Variants in ADCY9 observed in about 807,000 individuals in gnomAD.
ADCY9 encodes adenylate cyclase type 9.
A neutral mutation model predicts 101.5 loss-of-function variants in ADCY9; 50 were observed. That is an observed-to-expected ratio of 0.49 (90% confidence interval 0.39 to 0.62). The LOEUF is 0.62. Among genes scored for constraint, ADCY9 ranks in the 20% least tolerant of loss-of-function variants. The pLI is 0.00. For synonymous variants in ADCY9, 905 were observed against 769.3 expected, an observed-to-expected ratio of 1.18 and a Z score of -2.92; for missense variants, 1,662 against 1,800.4, an observed-to-expected ratio of 0.92 and a Z score of 1.39.
At chr16:4,105,484 C>T (rs1297025546) in intron 2 of ADCY9, among the ~76,000 whole-genome samples, 1 of 149,600 alleles carries the variant, frequency 6.7e-6, no homozygotes, top group Admixed American at 6.7e-5. Flanking sequence ...CCAGCCTGGC[C>T]AACATGGTCA....
chr16:4,006,368 C>T (rs1279463782), intron 3 of ADCY9, among the ~76,000 whole-genome samples: 1 of 152,222 alleles, frequency 6.6e-6, no homozygotes, highest in Non-Finnish European at 1.5e-5. Context: ...GCGGAGTTGA[C>T]AGAACCCGAG....
At chr16:4,038,164 T>C (rs1226064589) in intron 2 of ADCY9, among the ~76,000 whole-genome samples, 1 of 151,846 alleles carries the variant, frequency 6.6e-6, no homozygotes, top group Non-Finnish European at 1.5e-5. Flanking sequence ...GCCTGTGGTC[T>C]CAGCTACAAG....
chr16:3,956,506 G>GGGGC (rs1555504588), intron 5 of ADCY9, among the ~76,000 whole-genome samples: 1 of 10,884 alleles, frequency 9.2e-5, no homozygotes, highest in African/African-American at 2.3e-4. Flanking sequence ...TTTTTTTTGG[G>GGGGC]GGGGGATGGA....
intron 3 of ADCY9, among the ~76,000 whole-genome samples, chr16:3,994,455 G>A (rs192730100): frequency 6.6e-4 from 101 of 152,178 alleles, no homozygotes; most frequent in Non-Finnish European, 1.4e-3. Flanking sequence ...TAAAAAGATC[G>A]ATTTTTAAAT....
At position 4,045,725 on chromosome 16, in the gene ADCY9, G is replaced by T. The variant is rs1238152978; in HGVS notation, c.1694-38167C>A. The stretch of plus-strand genomic sequence containing the variant: ...ACCCTTGTGAATTTTTTGAGATAGG[G>T]TCTCACTCTGTTGCCCAGGCTGCAG... On this transcript the variant is annotated intron_variant, in intron 2 of 10. Transcript: ENST00000294016. Among the ~76,000 whole-genome samples the T allele has an allele frequency of 2.0e-5, 3 of 151,832 alleles. No individual in the cohort carries two copies. The East Asian group carries it at 5.8e-4, about 29-fold the overall frequency.
Position 4,114,714 on chromosome 16 carries a change from G to A in ADCY9, c.729C>T (p.Tyr243=). The A allele has an allele frequency of 3.1e-6, 5 of 1,613,158 alleles. No homozygotes were observed. The highest frequency in any genetic ancestry group is 3.4e-6 in the Non-Finnish European group (4 of 1,180,038). The change falls in exon 2 of 11, where the codon TAC becomes TAT. Residue 243 remains tyrosine, a synonymous_variant. Coordinates refer to ENST00000294016, the MANE Select transcript of ADCY9 (RefSeq NM_001116.4). The surrounding 1 kb of genome is among the most constrained non-coding windows in gnomAD (Gnocchi z 4.3). ...LLYTVMHLPL[Y]LSLCLGVAYS... ...AGGCCACCCCCAGACACAAACTCAG[G>A]TACAAAGGTAAGTGCATGACGGTAT... is the stretch of plus-strand genomic sequence containing the variant.
chr16:4,097,487 T>TATATATATATATATACACAC (rs76750792), intron 2 of ADCY9, among the ~76,000 whole-genome samples: 5 of 72,502 alleles, frequency 6.9e-5, no homozygotes, highest in Admixed American at 1.7e-4. Flanking sequence ...TATATATATA[T>TATATATATATATATACACAC]ACACACACAC....
At chr16:4,044,363 C>G (rs1329058135) in intron 2 of ADCY9, among the ~76,000 whole-genome samples, 1 of 149,530 alleles carries the variant, frequency 6.7e-6, no homozygotes, top group East Asian at 1.9e-4. Context: ...AACAAAAAAA[C>G]AAAAAAACAA....
chr16:3,994,778 ATG>A (rs1453937298), intron 3 of ADCY9, among the ~76,000 whole-genome samples: 1 of 152,148 alleles, frequency 6.6e-6, no homozygotes, highest in East Asian at 1.9e-4. Context: ...ATTTTATAGT[ATG>A]TGAATTATAT....
In ADCY9 at chr16:4,115,229, G is replaced by A. The variant is rs755610495; in HGVS notation, c.214C>T (p.Arg72Trp). ...GVPRRVGGGG[R>W]LRRQKKLPQL... ...GGCAGCTTCTTCTGCCTGCGCAGCC[G>A]GCCTCCGCCGCCCACTCGCCGGGGG... Residue 72 changes from arginine to tryptophan, a missense_variant, in exon 2 of 11, where the codon CGG becomes TGG. This residue lies in a region of ADCY9 where 422 missense variants were observed against 392.0 expected (regional missense o/e 1.08). Transcript: ENST00000294016. The surrounding 1 kb of genome is among the most constrained non-coding windows in gnomAD (Gnocchi z 6.2). 7 of 1,613,250 alleles carry A rather than the reference G, an allele frequency of 4.3e-6. No individual in the cohort carries two copies. Among genetic ancestry groups the A allele is most frequent in the Non-Finnish European group, 5.9e-6 (7 of 1,179,628 alleles).
chr16:4,033,101 G>A (rs943944231), intron 2 of ADCY9, among the ~76,000 whole-genome samples: 6 of 152,194 alleles, frequency 3.9e-5, no homozygotes, highest in Non-Finnish European at 8.8e-5. Context: ...TCCTGGAGGT[G>A]CTACAAGATG....
intron 2 of ADCY9, among the ~76,000 whole-genome samples, chr16:4,087,145 T>G (rs1202140513): frequency 6.6e-6 from 1 of 152,096 alleles, no homozygotes; most frequent in Non-Finnish European, 1.5e-5. Flanking sequence ...CGTTTCTACA[T>G]TTACCTGCAC....
rs1395710406 is a variant in ADCY9, at chr16:4,115,487, T to C, written c.-43-2A>G. The C allele has an allele frequency of 4.1e-6, 6 of 1,477,996 alleles. No individual in the cohort carries two copies. The highest frequency in any genetic ancestry group is 5.4e-6 in the Non-Finnish European group (6 of 1,115,110). 91.6% of individuals were successfully genotyped at this position (1,477,996 alleles called of 1,614,324 possible). A position where few individuals can be genotyped will look rare whatever the true frequency, so the allele number is the denominator to read the frequency against. ...TGCCCCGGCCGGGGTCACCAGTACCTGCCAGCAAAACGGGGAGAGTTAGCG... is the reference window on the plus strand; with the variant it reads ...TGCCCCGGCCGGGGTCACCAGTACCCGCCAGCAAAACGGGGAGAGTTAGCG... On this transcript the variant is annotated splice_acceptor_variant, in intron 1 of 10. Coordinates refer to ENST00000294016, the MANE Select transcript of ADCY9 (RefSeq NM_001116.4). LOFTEE classifies it low-confidence loss of function (5UTR_SPLICE). This position sits in a 1 kb window ranked among gnomAD's most constrained non-coding sequence, Gnocchi z 6.2.
chr16:3,975,960 G>C (rs1030724244), intron 9 of ADCY9, among the ~76,000 whole-genome samples: 15 of 152,260 alleles, frequency 9.9e-5, no homozygotes, highest in Admixed American at 7.8e-4. Context: ...GAAACCAGTA[G>C]CAAATGTGTA....
chr16:4,046,268 T>A (rs1300096766), intron 2 of ADCY9, among the ~76,000 whole-genome samples: 2 of 152,000 alleles, frequency 1.3e-5, no homozygotes, highest in Admixed American at 6.6e-5. Context: ...TGCCCAGCAC[T>A]GAACCACAAC....
intron 5 of ADCY9, among the ~76,000 whole-genome samples, chr16:3,989,541 G>T (rs1022638532): frequency 2.2e-4 from 34 of 152,280 alleles, no homozygotes; most frequent in African/African-American, 7.9e-4. Context: ...ACCGCACCCA[G>T]CTAATTTTTG....
chr16:4,034,693 A>T (rs1250449357), intron 2 of ADCY9, among the ~76,000 whole-genome samples: 1 of 152,228 alleles, frequency 6.6e-6, no homozygotes, highest in East Asian at 1.9e-4. Flanking sequence ...CGCTGGGATT[A>T]CAGGCATGAG....
At chr16:4,079,155 T>G (rs2056886478) in intron 2 of ADCY9, among the ~76,000 whole-genome samples, 1 of 152,220 alleles carries the variant, frequency 6.6e-6, no homozygotes, top group Non-Finnish European at 1.5e-5. Context: ...TTTCATATTG[T>G]GATATACAAT....
intron 2 of ADCY9, among the ~76,000 whole-genome samples, chr16:4,021,830 TAG>T (rs1567441310): frequency 6.6e-6 from 1 of 152,208 alleles, no homozygotes; most frequent in Admixed American, 6.5e-5. Context: ...ACACTTCTGT[TAG>T]AGTCTTTGAA....
Sources: allele counts gnomAD v4.1 joint callset (sites outside exome capture counted in the v4.1 genomes callset), GRCh38; gene constraint gnomAD v4.1.1; regional missense constraint gnomAD v4.1.1; non-coding constraint Gnocchi (gnomAD v3.1); transcripts MANE v1.5; gene names NCBI Gene and HGNC (gene_info 2026-07-23, HGNC 2026-07-21).